The following PAX3 variants were observed in gnomAD, a reference collection of about 807,000 sequenced individuals.
PAX3 encodes paired box 3.
Under a neutral mutation model 51.6 loss-of-function variants are expected in PAX3, and 14 were observed. That is an observed-to-expected ratio of 0.27 (90% CI 0.18 to 0.42). The LOEUF (loss-of-function observed/expected upper bound fraction) is 0.42. Ranked by LOEUF, PAX3 falls within the 10% of genes least tolerant of loss-of-function variation. The probability of loss-of-function intolerance (pLI) is 1.00; values close to 1 mark genes in which losing one functional copy is unlikely to be tolerated. For synonymous variants in PAX3, 280 were observed against 253.4 expected (o/e 1.11, Z -1.00); for missense variants, 540 against 642.8 (o/e 0.84, Z 1.73).
At chr2:222,279,024 C>T (rs1189408810) in intron 4 of PAX3, among the ~76,000 whole-genome samples, 2 of 152,184 alleles carry the variant, frequency 1.3e-5, no homozygotes, top group Non-Finnish European at 2.9e-5. Flanking sequence ...GATCTTGGCT[C>T]ACTGCAACCT....
rs185252620 is a variant in PAX3 at position 222,215,657 on chromosome 2, G to C, written c.1173+4483C>G. Among the ~76,000 whole-genome samples the C allele has an allele frequency of 2.3e-3, 345 of 152,210 alleles. 1 individual carries two copies. The highest frequency in any genetic ancestry group is 2.5e-3 in the South Asian group (12 of 4,822). On this transcript the variant is annotated intron_variant, in intron 7 of 8. Transcript: ENST00000392070. ...CAAATGTTAATTAGCCTCACATCTT[G>C]AGCATATGGTAGTACTTCCTCGGTA...
intron 4 of PAX3, chr2:222,293,829 G>A: frequency 6.2e-7 from 1 of 1,613,724 alleles, no homozygotes; most frequent in South Asian, 1.1e-5. Flanking sequence ...CAATTGCTCA[G>A]AGATGCCCAG....
At chr2:222,282,152 A>G (rs1694669826) in intron 4 of PAX3, among the ~76,000 whole-genome samples, 1 of 152,160 alleles carries the variant, frequency 6.6e-6, no homozygotes, top group Non-Finnish European at 1.5e-5. Flanking sequence ...AGAAGAAATG[A>G]CTTGAAAGAT....
chr2:222,201,970 C>A lies in PAX3; in HGVS notation c.1394G>T (p.Gly465Val). 6.2e-7 allele frequency: 1 copy of A among 1,614,060 alleles called. No homozygotes were observed. Among genetic ancestry groups the A allele is most frequent in the Non-Finnish European group, 8.5e-7 (1 of 1,180,000 alleles). ...TTGTCCATACTGCCCATATTGGTAG[C>A]CTGTGACAGGGTCCATACTGTAGCC... is the stretch of plus-strand genomic sequence containing the variant. Reference protein sequence around the residue: ...TTGYSMDPVTGYQYGQYGQSA... With the variant: ...TTGYSMDPVTVYQYGQYGQSA... The change falls in exon 8 of 9, where the codon GGC becomes GTC. Residue 465 changes from glycine to valine, a missense_variant. This residue lies in a region of PAX3 where 427 missense variants were observed against 483.6 expected (regional missense o/e 0.88). Coordinates refer to ENST00000392070, the MANE Select transcript of PAX3 (RefSeq NM_181458.4).
chr2:222,262,420 A>G (rs1209188248), intron 4 of PAX3: 1 of 152,124 alleles, frequency 6.6e-6, no homozygotes, highest in African/African-American at 2.4e-5. Context: ...TCACCATTTT[A>G]CTAAAACTGA....
At chr2:222,277,490 A>G (rs773311140) in intron 4 of PAX3, among the ~76,000 whole-genome samples, 1 of 152,222 alleles carries the variant, frequency 6.6e-6, no homozygotes, top group Non-Finnish European at 1.5e-5. Context: ...TAATATTTAT[A>G]AAACACAAAT....
intron 4 of PAX3, chr2:222,264,950 A>T (rs1195627593): frequency 6.6e-6 from 1 of 152,144 alleles, no homozygotes; most frequent in African/African-American, 2.4e-5. Context: ...CTCATTAGTC[A>T]TCCTCTAACA....
Position 222,295,601 on chromosome 2 carries a change from C to T in PAX3, c.378G>A (p.Pro126=), listed in dbSNP as rs553884686. The change falls in exon 3 of 9, where the codon CCG becomes CCA. Residue 126 remains proline (P), a synonymous_variant. Transcript: ENST00000392070. ...KKIEEYKREN[P]GMFSWEIRDK... The stretch of plus-strand genomic sequence containing the variant: ...CTCGGATTTCCCAGCTGAACATGCC[C>T]GGGTTCTCTCTTTTGTATTCCTCAA... 4 of 1,614,178 alleles carry T rather than the reference C, an allele frequency of 2.5e-6. No homozygotes were observed. The highest frequency in any genetic ancestry group is 1.3e-5 in the African/African-American group (1 of 75,050).
intron 1 of PAX3, chr2:222,298,130 A>C: frequency 4.8e-6 from 1 of 210,464 alleles, no homozygotes; most frequent in African/African-American, 2.3e-5. Flanking sequence ...TACTTCCTGA[A>C]CTAACATATG....
chr2:222,253,109 A>C (rs1169060271), intron 4 of PAX3, among the ~76,000 whole-genome samples: 3 of 152,192 alleles, frequency 2.0e-5, no homozygotes, highest in Admixed American at 1.3e-4. Flanking sequence ...TAAACAAAGA[A>C]GCCAGAAGCA....
chr2:222,205,367 C>A (rs1433250177), intron 7 of PAX3, among the ~76,000 whole-genome samples: 2 of 152,036 alleles, frequency 1.3e-5, no homozygotes, highest in Non-Finnish European at 2.9e-5. Context: ...CTAGTGAGGG[C>A]ATCTCCTTTA....
At chr2:222,206,504 C>T (rs1691515811) in intron 7 of PAX3, among the ~76,000 whole-genome samples, 1 of 152,120 alleles carries the variant, frequency 6.6e-6, no homozygotes, top group African/African-American at 2.4e-5. Flanking sequence ...TTCAAAGCTT[C>T]CGAATTTATG....
intron 2 of PAX3, 142 bp downstream of exon 2, chr2:222,296,836 A>T: frequency 1.4e-6 from 1 of 710,192 alleles, no homozygotes; most frequent in Non-Finnish European, 2.5e-6. Flanking sequence ...ACACACACAC[A>T]CGCGCGCCTT....
chr2:222,214,495 C>G (rs893479840), intron 7 of PAX3: 1 of 152,088 alleles, frequency 6.6e-6, no homozygotes, highest in Non-Finnish European at 1.5e-5. Flanking sequence ...AAAAGTCGAT[C>G]CTGGCATTTT....
At chr2:222,240,100 C>A (rs1692952848) in intron 4 of PAX3, among the ~76,000 whole-genome samples, 2 of 152,138 alleles carry the variant, frequency 1.3e-5, no homozygotes, top group African/African-American at 4.8e-5. Flanking sequence ...CACAAATAAA[C>A]CCTGACACTC....
chr2:222,293,819 C>T, intron 4 of PAX3: 1 of 1,613,892 alleles, frequency 6.2e-7, no homozygotes, highest in South Asian at 1.1e-5. Context: ...CCCGGCCCTA[C>T]AATTGCTCAG....
At position 222,265,691 on chromosome 2, in the gene PAX3, G is replaced by GAAGGAAGGAAGGAAGGAAGGAAGA. The variant is rs1553583540; in HGVS notation, c.586+28475_586+28476insTCTTCCTTCCTTCCTTCCTTCCTT. Among the ~76,000 whole-genome samples, 28 of 142,138 alleles carry GAAGGAAGGAAGGAAGGAAGGAAGA rather than the reference G, an allele frequency of 2.0e-4. 1 individual carries two copies. In the South Asian group the frequency reaches 2.3e-3, roughly 12 times the overall value. The allele number at this position is 142,138 out of a possible 152,430, so 93.2% of individuals were successfully genotyped here. A position where few individuals can be genotyped will look rare whatever the true frequency, so the allele number is the denominator to read the frequency against. On this transcript the variant is annotated intron_variant, in intron 4 of 8. Transcript: ENST00000392070. ...GGAAGGAAGGAAGGAAGGAAGGAAG[G>GAAGGAAGGAAGGAAGGAAGGAAGA]GAGAAAGATTGATTTTGATTTTTCC...
At chr2:222,293,689 C>A (rs375442849) in intron 4 of PAX3, 1 of 1,614,112 alleles carries the variant, frequency 6.2e-7, no homozygotes, top group South Asian at 1.1e-5. Context: ...TTTGGAGGGC[C>A]GTTGCCCAAA....
intron 2 of PAX3, 36 bp downstream of exon 2, chr2:222,296,942 G>T: frequency 6.4e-7 from 1 of 1,550,510 alleles, no homozygotes; most frequent in Non-Finnish European, 8.8e-7. Flanking sequence ...GGGGACCACA[G>T]TCTGGGAGCC....
Sources: gnomAD v4.1 joint callset for allele counts (sites outside exome capture counted in the v4.1 genomes callset) on GRCh38, gnomAD v4.1.1 for gene constraint, gnomAD v4.1.1 regional missense constraint, MANE v1.5 for transcripts, NCBI Gene and HGNC (gene_info 2026-07-23, HGNC 2026-07-21) for gene names.